PCDHA1: variants seen among roughly 807,000 people sequenced by gnomAD.
The protein encoded by PCDHA1 is protocadherin alpha-1.
PCDHA1 carries 42 observed loss-of-function variants against 61.3 expected under a neutral mutation model. The observed-to-expected ratio is 0.69, with a 90% confidence interval of 0.54 to 0.89. The LOEUF (loss-of-function observed/expected upper bound fraction) is 0.89, where lower values mean the gene tolerates loss of function less well. Among genes scored for constraint, PCDHA1 ranks in the 40% least tolerant of loss-of-function variants. The pLI, the probability that PCDHA1 is intolerant of heterozygous loss-of-function variation, is 0.00. For synonymous variants in PCDHA1, 610 were observed against 553.8 expected (o/e 1.10, Z -1.43); for missense variants, 1,256 against 1,235.3 (o/e 1.02, Z -0.25).
At chr5:140,954,577 A>T (rs1426426958) in intron 1 of PCDHA1, among the ~76,000 whole-genome samples, 2 of 151,954 alleles carry the variant, frequency 1.3e-5, no homozygotes, top group Non-Finnish European at 1.5e-5. Flanking sequence ...TTCTTTTCAG[A>T]AGTGTCTGTT....
In PCDHA1 at chr5:141,011,771, G is replaced by A. The variant is rs1327507093; in HGVS notation, c.*1834G>A. On this transcript the variant is annotated 3_prime_UTR_variant, in exon 4 of 4. Transcript: ENST00000504120. ...TCTGACCTCTTTGAAGTTGCAGAATGCTTTGAAATTCTAATGGTATCTGAA... is the reference window on the plus strand; with the variant it reads ...TCTGACCTCTTTGAAGTTGCAGAATACTTTGAAATTCTAATGGTATCTGAA... The A allele has an allele frequency of 1.3e-5, 2 of 153,698 alleles. No individual in the cohort carries two copies. The highest frequency in any genetic ancestry group is 4.8e-5 in the African/African-American group (2 of 41,424). The allele number at this position is 153,698 out of a possible 1,614,324, so 9.5% of individuals were successfully genotyped here.
chr5:140,870,257 C>T (rs1554163963), intron 1 of PCDHA1: 1 of 1,614,172 alleles, frequency 6.2e-7, no homozygotes, highest in Non-Finnish European at 8.5e-7. Context: ...GGACAGGTGA[C>T]CTGCTCGCTG....
At position 140,961,643 on chromosome 5, in the gene PCDHA1, A is replaced by G. The variant is rs533824470; in HGVS notation, c.2395-17306A>G. Reference sequence around the variant, plus strand: ...CCATATGAAAAACAATCTTAAGTCTATGTGGTTAGTTTGAAGTTACCAGTT... The same window carrying G: ...CCATATGAAAAACAATCTTAAGTCTGTGTGGTTAGTTTGAAGTTACCAGTT... On this transcript the variant is annotated intron_variant, in intron 1 of 3. Coordinates refer to ENST00000504120, the MANE Select transcript of PCDHA1 (RefSeq NM_018900.4). Among the ~76,000 whole-genome samples the G allele has an allele frequency of 7.2e-5, 11 of 152,324 alleles. No homozygotes were observed. The East Asian group carries it at 1.9e-3, about 27-fold the overall frequency.
chr5:140,928,106 G>GGGA lies in PCDHA1; in HGVS notation c.2395-50841_2395-50839dup, dbSNP rs2084940814. The stretch of plus-strand genomic sequence containing the variant: ...CTGCTGATTGATGGGCCCCTGGACC[G>GGGA]GGAGCAGATCAGTGAATACCAAGTC... On this transcript the variant is annotated intron_variant, in intron 1 of 3. Coordinates refer to ENST00000504120, the MANE Select transcript of PCDHA1 (RefSeq NM_018900.4). The GGGA allele has an allele frequency of 1.9e-6, 3 of 1,614,032 alleles. No individual in the cohort carries two copies. In the South Asian group the frequency reaches 3.3e-5, roughly 18 times the overall value.
chr5:140,991,152 C>A (rs533894396), intron 3 of PCDHA1, among the ~76,000 whole-genome samples: 29 of 152,168 alleles, frequency 1.9e-4, no homozygotes, highest in Non-Finnish European at 3.2e-4. Flanking sequence ...TTTTGCTCAC[C>A]ATTGTATTCC....
At chr5:140,904,859 T>C (rs1294164011) in intron 1 of PCDHA1, among the ~76,000 whole-genome samples, 8 of 152,242 alleles carry the variant, frequency 5.3e-5, no homozygotes, top group Non-Finnish European at 1.2e-4. Flanking sequence ...GAGAATTGTC[T>C]GTTTATGTCC....
At chr5:140,966,997 G>A in intron 1 of PCDHA1, 3 of 1,604,812 alleles carry the variant, frequency 1.9e-6, no homozygotes, top group Non-Finnish European at 2.5e-6. Flanking sequence ...CGGGTTGCTT[G>A]CGCATCAACC....
intron 1 of PCDHA1, chr5:140,829,365 T>C: frequency 6.2e-7 from 1 of 1,614,230 alleles, no homozygotes; most frequent in Non-Finnish European, 8.5e-7. Context: ...GAGTTGGTGG[T>C]AACCGCGCGG....
At chr5:140,941,210 T>TCTTCCTTTCTTTCTTC (rs2092851427) in intron 1 of PCDHA1, among the ~76,000 whole-genome samples, 1 of 100,630 alleles carries the variant, frequency 9.9e-6, no homozygotes, top group South Asian at 2.9e-4. Context: ...TTCCTTTCTT[T>TCTTCCTTTCTTTCTTC]CTTCCTTTCT....
intron 3 of PCDHA1, among the ~76,000 whole-genome samples, chr5:141,005,923 G>A (rs1424300772): frequency 6.6e-6 from 1 of 151,914 alleles, no homozygotes; most frequent in East Asian, 1.9e-4. Context: ...CTTCAGCCTG[G>A]TTGACAGAGT....
intron 1 of PCDHA1, chr5:140,883,589 G>A (rs782300348): frequency 1.9e-6 from 3 of 1,614,014 alleles, no homozygotes; most frequent in East Asian, 2.2e-5. Context: ...CACGGCCAGC[G>A]TGTCGGTGGG....
intron 1 of PCDHA1, chr5:140,807,105 G>T: frequency 1.4e-6 from 2 of 1,454,342 alleles, no homozygotes; most frequent in Non-Finnish European, 1.9e-6. Flanking sequence ...GGAGGATGCA[G>T]CTGCACTTGA....
intron 2 of PCDHA1, among the ~76,000 whole-genome samples, chr5:140,980,713 C>A (rs1034858406): frequency 1.3e-5 from 2 of 151,364 alleles, no homozygotes; most frequent in Non-Finnish European, 2.9e-5. Context: ...TGCTCCTATT[C>A]GGGTTTCAAT....
intron 1 of PCDHA1, among the ~76,000 whole-genome samples, chr5:140,826,906 A>T (rs1769110071): frequency 6.6e-6 from 1 of 152,170 alleles, no homozygotes; most frequent in African/African-American, 2.4e-5. Context: ...TAAATATGAT[A>T]GCATGTGAAA....
At chr5:140,803,363 G>A in intron 1 of PCDHA1, 2 of 1,614,200 alleles carry the variant, frequency 1.2e-6, no homozygotes, top group Non-Finnish European at 1.7e-6. Context: ...CTGCTCTGCG[G>A]TGCTCCGCGC....
chr5:140,808,697 C>T (rs1472527359), intron 1 of PCDHA1: 1 of 1,612,106 alleles, frequency 6.2e-7, no homozygotes, highest in Non-Finnish European at 8.5e-7. Flanking sequence ...GGAGCGCGCG[C>T]TGTCGAGCTA....
chr5:140,902,956 G>A (rs1356131798), intron 1 of PCDHA1, among the ~76,000 whole-genome samples: 3 of 152,242 alleles, frequency 2.0e-5, no homozygotes, highest in Non-Finnish European at 4.4e-5. Context: ...TTATCCACTT[G>A]TTGGCTGATG....
intron 1 of PCDHA1, among the ~76,000 whole-genome samples, chr5:140,888,151 CT>C (rs1247816625): frequency 4.6e-5 from 7 of 152,106 alleles, no homozygotes; most frequent in Non-Finnish European, 8.8e-5. Context: ...TTTTGCATGA[CT>C]GGTAATCTCT....
At chr5:140,822,988 T>G (rs1314541728) in intron 1 of PCDHA1, 1 of 1,614,104 alleles carries the variant, frequency 6.2e-7, no homozygotes, top group African/African-American at 1.3e-5. Context: ...GAATTACTAC[T>G]CGTTGGTGCT....
Sources: allele counts gnomAD v4.1 joint callset (sites outside exome capture counted in the v4.1 genomes callset), GRCh38; gene constraint gnomAD v4.1.1; transcripts MANE v1.5; gene names NCBI Gene and HGNC (gene_info 2026-07-23, HGNC 2026-07-21).